MGA: variants seen among roughly 807,000 people sequenced by gnomAD.
MGA encodes the protein MAX dimerization protein MGA, also known as MAX gene-associated protein.
In MGA, 40 loss-of-function variants were observed where a neutral mutation model predicts 261.1. The observed-to-expected ratio is 0.15, with a 90% confidence interval of 0.12 to 0.20. The LOEUF (loss-of-function observed/expected upper bound fraction) is 0.20, where lower values mean the gene tolerates loss of function less well. Ranked by LOEUF, MGA falls within the 10% of genes least tolerant of loss-of-function variation. The pLI is 1.00. For synonymous variants in MGA, 1,302 were observed against 1,290.6 expected (o/e 1.01, Z -0.19); for missense variants, 3,397 against 3,630.5 (o/e 0.94, Z 1.65).
intron 10 of MGA, 21 bp from the exon 11 acceptor site, chr15:41,729,143 T>A (rs748139678): frequency 1.9e-6 from 3 of 1,608,876 alleles, no homozygotes; most frequent in Non-Finnish European, 2.5e-6. Context: ...TATGGAATAT[T>A]TTGTTGTATG....
chr15:41,622,101 G>A (rs530006569), intron 1 of MGA, among the ~76,000 whole-genome samples: 1 of 152,260 alleles, frequency 6.6e-6, no homozygotes, highest in East Asian at 1.9e-4. Flanking sequence ...GTTTTCCAGC[G>A]TCTTTGCTGC....
chr15:41,656,961 T>C (rs2057215743), upstream of MGA, among the ~76,000 whole-genome samples: 1 of 152,074 alleles, frequency 6.6e-6, no homozygotes, highest in Non-Finnish European at 1.5e-5. Flanking sequence ...TTTGCAGAGA[T>C]GGGTTCTCAC....
At chr15:41,695,187 C>CTT (rs533478922) in intron 2 of MGA, among the ~76,000 whole-genome samples, 18 of 143,026 alleles carry the variant, frequency 1.3e-4, no homozygotes, top group South Asian at 6.7e-4. Flanking sequence ...TATGTGGAAT[C>CTT]TTTTTTTTTT....
chr15:41,636,831 G>T (rs1029761668), intron 1 of MGA, among the ~76,000 whole-genome samples: 2 of 152,052 alleles, frequency 1.3e-5, no homozygotes, highest in Non-Finnish European at 2.9e-5. Flanking sequence ...GATTACAAGC[G>T]TGAGCCACCA....
At chr15:41,752,870 A>C (rs2062925589) in intron 17 of MGA, among the ~76,000 whole-genome samples, 1 of 152,186 alleles carries the variant, frequency 6.6e-6, no homozygotes, top group Admixed American at 6.5e-5. Flanking sequence ...GAAGTATCTT[A>C]ATCATACAAG....
intron 17 of MGA, chr15:41,752,456 A>C (rs2062884896): frequency 6.6e-6 from 1 of 151,930 alleles, no homozygotes; most frequent in African/African-American, 2.4e-5. Context: ...ACTGTAAGTC[A>C]GCCCAAGTTA....
At chr15:41,664,989 T>G (rs999108514) in intron 1 of MGA, among the ~76,000 whole-genome samples, 5 of 152,238 alleles carry the variant, frequency 3.3e-5, no homozygotes, top group Non-Finnish European at 7.3e-5. Flanking sequence ...TTCCTGACCT[T>G]TCCTGATATT....
chr15:41,695,115 G>C (rs1379799962), intron 2 of MGA, among the ~76,000 whole-genome samples: 1 of 152,120 alleles, frequency 6.6e-6, no homozygotes, highest in East Asian at 1.9e-4. Context: ...TTTGAGGTGG[G>C]GGGAAATGAG....
chr15:41,740,028 A>G, intron 13 of MGA: 4 of 1,613,962 alleles, frequency 2.5e-6, no homozygotes, highest in Non-Finnish European at 3.4e-6. Flanking sequence ...TGGACCTCTC[A>G]ACCCTCAGTA....
At chr15:41,753,827 T>C (rs891380787) in intron 17 of MGA, among the ~76,000 whole-genome samples, 1 of 152,246 alleles carries the variant, frequency 6.6e-6, no homozygotes, top group African/African-American at 2.4e-5. Context: ...TTAATATATC[T>C]GTGCCTGAAT....
chr15:41,673,618 ATGCAACCTC>A (rs1421004200), intron 2 of MGA, among the ~76,000 whole-genome samples: 4 of 124,378 alleles, frequency 3.2e-5, no homozygotes, highest in African/African-American at 9.1e-5. Flanking sequence ...TCTCGGTTCA[ATGCAACCTC>A]TGCTTCCTGG....
chr15:41,660,850 G>C (rs1467148797), intron 1 of MGA, among the ~76,000 whole-genome samples: 1 of 152,218 alleles, frequency 6.6e-6, no homozygotes, highest in Non-Finnish European at 1.5e-5. Context: ...CTGCCCTCGC[G>C]TGTGTGGGGT....
intron 9 of MGA, among the ~76,000 whole-genome samples, chr15:41,724,941 C>T (rs974642552): frequency 1.3e-5 from 2 of 152,194 alleles, no homozygotes; most frequent in Middle Eastern, 3.4e-3. Flanking sequence ...AAATATACTA[C>T]TTACGAAAAT....
chr15:41,650,621 A>G (rs2057023296), intron 1 of MGA, among the ~76,000 whole-genome samples: 1 of 152,076 alleles, frequency 6.6e-6, no homozygotes, highest in African/African-American at 2.4e-5. Flanking sequence ...TATTTTTAGT[A>G]GAGATAGGGT....
chr15:41,745,281 T>TAAAAAAAA (rs71108126), intron 15 of MGA, among the ~76,000 whole-genome samples: 1 of 33,238 alleles, frequency 3.0e-5, no homozygotes, highest in Non-Finnish European at 6.7e-5. Flanking sequence ...GAATGATCAA[T>TAAAAAAAA]AAAAAAAAAA....
At chr15:41,665,726 T>C (rs1452043872) in intron 1 of MGA, among the ~76,000 whole-genome samples, 3 of 152,170 alleles carry the variant, frequency 2.0e-5, no homozygotes, top group Non-Finnish European at 4.4e-5. Context: ...TAATTCATCA[T>C]TTTAAAGTAT....
At position 41,698,937 on chromosome 15, in the gene MGA, C is replaced by T; in HGVS notation, c.2088C>T (p.Asp696=). ...GTCTCCAGGCATCAACCACAAATGA[C>T]TCAGGTATTATAAAATAGTATAAAA... Residue 696 remains aspartate, a synonymous_variant, in exon 4 of 24, where the codon GAC becomes GAT. Transcript: ENST00000219905. 4 of 1,549,258 alleles carry T rather than the reference C, an allele frequency of 2.6e-6. No individual in the cohort carries two copies. The highest frequency in any genetic ancestry group is 1.4e-5 in the African/African-American group (1 of 72,860).
chr15:41,726,790 C>T (rs2061277010), intron 9 of MGA, among the ~76,000 whole-genome samples: 1 of 151,554 alleles, frequency 6.6e-6, no homozygotes, highest in African/African-American at 2.4e-5. Flanking sequence ...ATAATGGCAA[C>T]TCTTGTTTTA....
At chr15:41,656,377 T>TCACACA (rs1243345715), upstream of MGA, among the ~76,000 whole-genome samples, 25 of 68,310 alleles carry the variant, frequency 3.7e-4, 1 homozygote, top group South Asian at 3.0e-3. Context: ...TCTCTCTCTC[T>TCACACA]CACACCCAGG....
Sources: allele counts gnomAD v4.1 joint callset (sites outside exome capture counted in the v4.1 genomes callset), GRCh38; gene constraint gnomAD v4.1.1; transcripts MANE v1.5; gene names NCBI Gene and HGNC (gene_info 2026-07-23, HGNC 2026-07-21).